The following ACAP2 variants were observed in gnomAD, a reference collection of about 807,000 sequenced individuals.
ACAP2 encodes the protein ArfGAP with coiled-coil, ankyrin repeat and PH domains 2.
A neutral mutation model predicts 115.8 loss-of-function variants in ACAP2; 39 were observed. The observed-to-expected ratio is 0.34, with a 90% confidence interval of 0.26 to 0.44. The LOEUF is 0.44. ACAP2 is among the 20% of genes least tolerant of loss of function. ACAP2 has a pLI of 1.00. For synonymous variants in ACAP2, 289 were observed against 315.8 expected (o/e 0.92, Z 0.90); for missense variants, 662 against 927.6 (o/e 0.71, Z 3.72).
At chr3:195,294,228 A>T (rs943481359) in intron 18 of ACAP2, among the ~76,000 whole-genome samples, 1 of 152,128 alleles carries the variant, frequency 6.6e-6, no homozygotes, top group Non-Finnish European at 1.5e-5. Context: ...CTGCTTTCTC[A>T]TTTAAGAGTA....
chr3:195,436,119 G>GTA (rs145050136), intron 1 of ACAP2, among the ~76,000 whole-genome samples: 45 of 126,936 alleles, frequency 3.5e-4, no homozygotes, highest in Middle Eastern at 3.8e-3. Context: ...ACATATATAT[G>GTA]TATATATATA....
At chr3:195,437,836 CA>C (rs1265472821) in intron 1 of ACAP2, among the ~76,000 whole-genome samples, 1,210 of 101,658 alleles carry the variant, frequency 0.012, 17 homozygotes, top group African/African-American at 0.042. Flanking sequence ...AAAAAAAAAG[CA>C]AAAAAAAACC....
intron 15 of ACAP2, among the ~76,000 whole-genome samples, chr3:195,299,745 G>A (rs1353831299): frequency 6.6e-6 from 1 of 151,894 alleles, no homozygotes; most frequent in Non-Finnish European, 1.5e-5. Context: ...GGCTGAGGGA[G>A]GAGAATGGTG....
Position 195,295,790 on chromosome 3 carries a change from G to C in ACAP2, c.1590C>G (p.Val530=), listed in dbSNP as rs75042997. 36 of 1,614,034 alleles carry C rather than the reference G, an allele frequency of 2.2e-5. No homozygotes were observed. In the African/African-American group the frequency reaches 4.7e-4, roughly 21 times the overall value. Residue 530 remains valine, a synonymous_variant, in exon 17 of 23, where the codon GTC becomes GTG. Transcript: ENST00000326793. ...LSPPEQQKKF[V]SKSSEEKRLS... ...GCCTCTTTTCTTCAGAACTTTTAGA[G>C]ACAAACTTTTTTTGCTGCTCAGGAG...
chr3:195,377,138 C>CTTTTTTTTTTTTTTTTTTTTTT (rs749352761), intron 4 of ACAP2, among the ~76,000 whole-genome samples: 1 of 77,110 alleles, frequency 1.3e-5, no homozygotes, highest in African/African-American at 5.3e-5. Context: ...GAATGTAAAT[C>CTTTTTTTTTTTTTTTTTTTTTT]TTTTTTTTTT....
chr3:195,429,803 G>T (rs1427687616), intron 1 of ACAP2, among the ~76,000 whole-genome samples: 1 of 152,098 alleles, frequency 6.6e-6, no homozygotes, highest in Non-Finnish European at 1.5e-5. Context: ...TTAATCTTAT[G>T]TTTTCTCCTA....
At chr3:195,322,889 T>G (rs570899958) in intron 9 of ACAP2, among the ~76,000 whole-genome samples, 2 of 152,342 alleles carry the variant, frequency 1.3e-5, no homozygotes, top group African/African-American at 4.8e-5. Context: ...TAATATTTTG[T>G]AGTACTTAAA....
At chr3:195,342,429 G>A (rs75198072) in intron 6 of ACAP2, 42 bp downstream of exon 6, 33,282 of 1,532,420 alleles carry the variant, frequency 0.022, 963 homozygotes, top group South Asian at 0.093. Context: ...ACCTGTTTAA[G>A]TAAGCACTGT....
At chr3:195,348,706 A>C (rs1278314183) in intron 4 of ACAP2, among the ~76,000 whole-genome samples, 1 of 152,258 alleles carries the variant, frequency 6.6e-6, no homozygotes, top group Non-Finnish European at 1.5e-5. Context: ...CCATGTTAAC[A>C]GACTTAAAAA....
rs1390159210 is a variant in ACAP2, at chr3:195,275,821, G to GTA, written c.*3505_*3506dup. ...CAAGTACACTGTAAGTAGCAAAACA[G>GTA]TATACAAAGGGATGCTTCTATATTT... On this transcript the variant is annotated 3_prime_UTR_variant, in exon 23 of 23. Transcript: ENST00000326793. 3.3e-5 allele frequency: 5 copies of GTA among 152,334 alleles called. No individual in the cohort carries two copies. Among genetic ancestry groups the GTA allele is most frequent in the African/African-American group, 7.2e-5 (3 of 41,434 alleles). 9.4% of individuals were successfully genotyped at this position (152,334 alleles called of 1,614,324 possible).
At chr3:195,406,067 A>G (rs1254430762) in intron 1 of ACAP2, among the ~76,000 whole-genome samples, 1 of 152,196 alleles carries the variant, frequency 6.6e-6, no homozygotes, top group Non-Finnish European at 1.5e-5. Flanking sequence ...ACCAAACCAT[A>G]TCAGGTGGAT....
intron 1 of ACAP2, among the ~76,000 whole-genome samples, chr3:195,398,989 C>T (rs560721030): frequency 9.2e-5 from 14 of 152,302 alleles, no homozygotes; most frequent in African/African-American, 2.9e-4. Flanking sequence ...CAAGACCTAA[C>T]ATTCCATTAT....
intron 1 of ACAP2, among the ~76,000 whole-genome samples, chr3:195,398,763 G>A (rs948942088): frequency 6.6e-6 from 1 of 152,144 alleles, no homozygotes; most frequent in African/African-American, 2.4e-5. Context: ...TCTTACAAAT[G>A]TTGTAACTGC....
chr3:195,364,214 C>T (rs140150622), intron 4 of ACAP2, among the ~76,000 whole-genome samples: 112 of 152,076 alleles, frequency 7.4e-4, no homozygotes, highest in African/African-American at 2.5e-3. Flanking sequence ...GAATTTATAA[C>T]AAGAATATTA....
chr3:195,424,231 TGTGTGTGTGTGTG>T (rs1161631325), intron 1 of ACAP2, among the ~76,000 whole-genome samples: 61 of 116,588 alleles, frequency 5.2e-4, no homozygotes, highest in African/African-American at 2.0e-3. Flanking sequence ...CATATGTGTG[TGTGTGTGTGTGTG>T]GTGTGTGTGT....
At chr3:195,374,542 G>A (rs1733384157) in intron 4 of ACAP2, among the ~76,000 whole-genome samples, 1 of 152,196 alleles carries the variant, frequency 6.6e-6, no homozygotes, top group Non-Finnish European at 1.5e-5. Flanking sequence ...TGTGAGAGAG[G>A]AGCTCCTGAG....
chr3:195,293,466 A>G (rs1727405326), intron 18 of ACAP2, among the ~76,000 whole-genome samples: 1 of 152,238 alleles, frequency 6.6e-6, no homozygotes, highest in Admixed American at 6.5e-5. Context: ...GATAAACGAT[A>G]ATAAGACAGT....
chr3:195,424,313 G>GCAAAAAAAAAAAAAAAAAAAAAAA (rs1714490759), intron 1 of ACAP2, among the ~76,000 whole-genome samples: 1 of 35,016 alleles, frequency 2.9e-5, no homozygotes, highest in African/African-American at 1.1e-4. Flanking sequence ...TTTTTTTTTT[G>GCAAAAAAAAAAAAAAAAAAAAAAA]AAACAGAGTC....
Position 195,350,748 on chromosome 3 carries a change from G to T in ACAP2, c.286-5431C>A, listed in dbSNP as rs141375349. ...TATTCATTTATTTTTTTTACAAAAGGTGCCAATAAAGATGGGAAAATGTAC... is the reference window on the plus strand; with the variant it reads ...TATTCATTTATTTTTTTTACAAAAGTTGCCAATAAAGATGGGAAAATGTAC... On this transcript the variant is annotated intron_variant, in intron 4 of 22. Coordinates refer to ENST00000326793, the MANE Select transcript of ACAP2 (RefSeq NM_012287.6). 3.3e-5 allele frequency among the ~76,000 whole-genome samples: 5 copies of T among 151,628 alleles called. No individual in the cohort carries two copies. In the East Asian group the frequency reaches 7.7e-4, roughly 23 times the overall value.
Sources: allele counts gnomAD v4.1 joint callset (sites outside exome capture counted in the v4.1 genomes callset), GRCh38; gene constraint gnomAD v4.1.1; transcripts MANE v1.5; gene names NCBI Gene and HGNC (gene_info 2026-07-23, HGNC 2026-07-21).